ZFYVE9: variants seen among roughly 807,000 people sequenced by gnomAD.
ZFYVE9 encodes the protein zinc finger FYVE-type containing 9, also known as zinc finger FYVE domain-containing protein 9.
A neutral mutation model predicts 126.7 loss-of-function variants in ZFYVE9; 43 were observed. The ratio of observed to expected loss-of-function variants is 0.34; its 90% CI spans 0.27 to 0.44. ZFYVE9 has a LOEUF of 0.44. Among genes scored for constraint, ZFYVE9 ranks in the 20% least tolerant of loss-of-function variants. The pLI is 1.00. For missense variants in ZFYVE9, 1,476 were observed against 1,697.0 expected, an observed-to-expected ratio of 0.87 and a Z score of 2.29; for synonymous variants, 521 against 597.4, an observed-to-expected ratio of 0.87 and a Z score of 1.87.
intron 10 of ZFYVE9, among the ~76,000 whole-genome samples, chr1:52,292,125 G>GA (rs944951528): frequency 1.2e-4 from 18 of 151,354 alleles, no homozygotes; most frequent in East Asian, 2.0e-4. Context: ...CTAAAAATGC[G>GA]AAAAAAATCA....
intron 2 of ZFYVE9, among the ~76,000 whole-genome samples, chr1:52,222,939 C>T (rs1371985530): frequency 6.6e-6 from 1 of 152,140 alleles, no homozygotes; most frequent in African/African-American, 2.4e-5. Flanking sequence ...TTATATTTGA[C>T]TTTGGTTTCC....
chr1:52,327,184 T>C (rs1225773707), intron 13 of ZFYVE9, among the ~76,000 whole-genome samples: 2 of 151,638 alleles, frequency 1.3e-5, no homozygotes, highest in East Asian at 3.9e-4. Context: ...AAAAATACTG[T>C]TGGTCTTGCA....
At chr1:52,270,329 TC>T (rs1314035246) in intron 7 of ZFYVE9, among the ~76,000 whole-genome samples, 1 of 152,220 alleles carries the variant, frequency 6.6e-6, no homozygotes, top group Non-Finnish European at 1.5e-5. Context: ...AGTGGTGCGA[TC>T]CTGGCTCACT....
chr1:52,192,420 A>G (rs1402989342), intron 1 of ZFYVE9, among the ~76,000 whole-genome samples: 3 of 152,248 alleles, frequency 2.0e-5, no homozygotes, highest in Admixed American at 6.5e-5. Context: ...ACAAGAGTAG[A>G]TAAGTTAGAA....
chr1:52,338,998 G>A (rs764063905), intron 16 of ZFYVE9, among the ~76,000 whole-genome samples: 7 of 151,978 alleles, frequency 4.6e-5, no homozygotes, highest in African/African-American at 1.2e-4. Flanking sequence ...CAACAAGAGC[G>A]AAACTCTGTC....
chr1:52,228,580 A>G (rs1411761738), intron 2 of ZFYVE9, among the ~76,000 whole-genome samples: 2 of 152,132 alleles, frequency 1.3e-5, no homozygotes, highest in Non-Finnish European at 2.9e-5. Context: ...ATACTCTCAC[A>G]TCATTTAAAA....
chr1:52,179,633 CAA>C (rs914218000), intron 1 of ZFYVE9, among the ~76,000 whole-genome samples: 2 of 129,610 alleles, frequency 1.5e-5, no homozygotes, highest in Admixed American at 7.9e-5. Context: ...GATTGTGTCT[CAA>C]AAAAAAAAAA....
chr1:52,183,330 T>C (rs1227357687), intron 1 of ZFYVE9, among the ~76,000 whole-genome samples: 1 of 152,202 alleles, frequency 6.6e-6, no homozygotes, highest in Non-Finnish European at 1.5e-5. Context: ...GGATATATGT[T>C]TGTTGTAACT....
intron 1 of ZFYVE9, among the ~76,000 whole-genome samples, chr1:52,176,605 C>CAGA (rs1644632282): frequency 2.0e-5 from 3 of 152,140 alleles, no homozygotes; most frequent in African/African-American, 7.2e-5. Context: ...GTGGAGCCTA[C>CAGA]GGAGGCAGGC....
At chr1:52,162,956 C>G in intron 1 of ZFYVE9, 1 of 475,172 alleles carries the variant, frequency 2.1e-6, no homozygotes, top group Admixed American at 2.5e-5. Flanking sequence ...GCAGGAGTTC[C>G]TGTTGGAGAT....
chr1:52,289,132 GTT>G (rs1026217624), intron 10 of ZFYVE9, among the ~76,000 whole-genome samples: 2 of 152,008 alleles, frequency 1.3e-5, no homozygotes, highest in African/African-American at 4.8e-5. Context: ...TTGAAAAACA[GTT>G]TAAATTCCAA....
rs569603060 is a variant in ZFYVE9 at position 52,322,477 on chromosome 1, A to G, written c.3439-10291A>G. Among the ~76,000 whole-genome samples, 21 of 148,492 alleles carry G rather than the reference A, an allele frequency of 1.4e-4. No individual in the cohort carries two copies. In the South Asian group the frequency reaches 4.5e-3, roughly 32 times the overall value. ...ACTGCAACTTCCGCCTCCCGGGTTCAAGCGATTCTTCTTCCTCAGCCTCCC... is the reference window on the plus strand; with the variant it reads ...ACTGCAACTTCCGCCTCCCGGGTTCGAGCGATTCTTCTTCCTCAGCCTCCC... On this transcript the variant is annotated intron_variant, in intron 13 of 18. Transcript: ENST00000287727.
rs1644702379 is a variant in ZFYVE9 at position 52,181,449 on chromosome 1, G to C, written c.-142-34920G>C. The stretch of plus-strand genomic sequence containing the variant: ...GGCTCGCTACAATCTCCACCTCCCA[G>C]CCGCCTGCCTTGGCCTCCCAAAGTG... On this transcript the variant is annotated intron_variant, in intron 1 of 18. Transcript: ENST00000287727. Among the ~76,000 whole-genome samples the C allele has an allele frequency of 2.6e-5, 4 of 152,214 alleles. No individual in the cohort carries two copies. In the South Asian group the frequency reaches 6.2e-4, roughly 24 times the overall value.
intron 9 of ZFYVE9, among the ~76,000 whole-genome samples, chr1:52,281,138 T>TTC (rs1297241434): frequency 6.7e-6 from 1 of 149,082 alleles, no homozygotes; most frequent in Admixed American, 6.7e-5. Context: ...TTCTTTTCTT[T>TTC]TTTTTTTTTT....
Position 52,340,086 on chromosome 1 carries a change from T to G in ZFYVE9, c.3834-40T>G, listed in dbSNP as rs764043595. 27 of 1,559,382 alleles carry G rather than the reference T, an allele frequency of 1.7e-5. 1 individual carries two copies. The highest frequency in any genetic ancestry group is 2.3e-5 in the Non-Finnish European group (26 of 1,133,142). ...TGATAGGAAAAATGGCTTTTCTAACTTCAAGAGCTGCTTCTATCTTTCCTT... is the reference window on the plus strand; with the variant it reads ...TGATAGGAAAAATGGCTTTTCTAACGTCAAGAGCTGCTTCTATCTTTCCTT... On this transcript the variant is annotated intron_variant, in intron 16 of 18. Coordinates refer to ENST00000287727, the MANE Select transcript of ZFYVE9 (RefSeq NM_004799.4).
At chr1:52,205,934 G>A (rs1317211259) in intron 1 of ZFYVE9, among the ~76,000 whole-genome samples, 1 of 151,988 alleles carries the variant, frequency 6.6e-6, no homozygotes, top group African/African-American at 2.4e-5. Context: ...TTATCTACTT[G>A]TAGAACATAG....
intron 1 of ZFYVE9, among the ~76,000 whole-genome samples, chr1:52,184,686 T>G (rs1245837987): frequency 5.3e-5 from 8 of 152,118 alleles, no homozygotes; most frequent in Admixed American, 4.6e-4. Context: ...CCAGGACGAT[T>G]ATTCCAGATG....
intron 10 of ZFYVE9, among the ~76,000 whole-genome samples, chr1:52,292,211 A>G (rs1645927943): frequency 6.8e-6 from 1 of 147,208 alleles, no homozygotes; most frequent in Non-Finnish European, 1.5e-5. Context: ...TGAACCTGGG[A>G]GGCAGATGCT....
Position 52,303,894 on chromosome 1 carries a change from G to T in ZFYVE9, c.3407G>T (p.Ser1136Ile). 1 of 1,600,424 alleles carries T rather than the reference G, an allele frequency of 6.2e-7. No individual in the cohort carries two copies. Residue 1136 changes from serine to isoleucine, a missense_variant, in exon 13 of 19, where the codon AGC becomes ATC. Coordinates refer to ENST00000287727, the MANE Select transcript of ZFYVE9 (RefSeq NM_004799.4). ...GTTGATATGGAAGTTCGGAAAACTA[G>T]CATCAAAATTCCCAGCAACAGATAC... ...LVVDMEVRKT[S>I]IKIPSNRYNE...
Sources: allele counts gnomAD v4.1 joint callset (sites outside exome capture counted in the v4.1 genomes callset), GRCh38; gene constraint gnomAD v4.1.1; transcripts MANE v1.5; gene names NCBI Gene and HGNC (gene_info 2026-07-23, HGNC 2026-07-21).